Variants in GRIK5 observed in about 807,000 individuals in gnomAD.
GRIK5 encodes the protein glutamate receptor ionotropic, kainate 5.
Under a neutral mutation model 97.4 loss-of-function variants are expected in GRIK5, and 43 were observed. The observed-to-expected ratio is 0.44, with a 90% CI of 0.35 to 0.57. The LOEUF is 0.57. GRIK5 is among the 20% of genes least tolerant of loss of function. GRIK5 has a pLI of 0.01. For synonymous variants in GRIK5, 580 were observed against 583.5 expected (o/e 0.99, Z 0.09); for missense variants, 1,015 against 1,382.0 (o/e 0.73, Z 4.21).
chr19:42,008,446 G>A (rs1475711414), intron 15 of GRIK5, among the ~76,000 whole-genome samples: 2 of 152,166 alleles, frequency 1.3e-5, no homozygotes, highest in African/African-American at 4.8e-5. Flanking sequence ...GGCCAACATG[G>A]CAATACCCCG....
intron 11 of GRIK5, among the ~76,000 whole-genome samples, chr19:42,044,780 T>A (rs1490326832): frequency 6.6e-6 from 1 of 152,098 alleles, no homozygotes; most frequent in Non-Finnish European, 1.5e-5. Context: ...CAAAACCCCG[T>A]CTCTATAAAA....
At chr19:42,036,273 G>T (rs1211048915) in intron 12 of GRIK5, among the ~76,000 whole-genome samples, 1 of 152,054 alleles carries the variant, frequency 6.6e-6, no homozygotes, top group East Asian at 1.9e-4. Context: ...TGTTGGCGGG[G>T]CTGGTCTCGA....
intron 6 of GRIK5, among the ~76,000 whole-genome samples, 179 bp from the exon 7 acceptor site, chr19:42,057,157 G>A (rs2076197361): frequency 6.6e-6 from 1 of 152,166 alleles, no homozygotes; most frequent in Non-Finnish European, 1.5e-5. Flanking sequence ...GGAGACAAGT[G>A]GGGGCATAGG....
At position 42,062,942 on chromosome 19, in the gene GRIK5, G is replaced by A. The variant is rs1599852149; in HGVS notation, c.245-87C>T. On this transcript the variant is annotated intron_variant, in intron 3 of 19. Coordinates refer to ENST00000593562, the MANE Select transcript of GRIK5 (RefSeq NM_002088.5). The surrounding 1 kb of genome is among the most constrained non-coding windows in gnomAD (Gnocchi z 5.3). ...CCCTCAGGGAGCCGCCATGGCCCAGGAGAGGATCAGACACTGGCAACTGCC... is the reference window on the plus strand; with the variant it reads ...CCCTCAGGGAGCCGCCATGGCCCAGAAGAGGATCAGACACTGGCAACTGCC... The A allele has an allele frequency of 3.1e-6, 3 of 979,912 alleles. No homozygotes were observed. The highest frequency in any genetic ancestry group is 2.7e-5 in the South Asian group (2 of 74,248). The allele number at this position is 979,912 out of a possible 1,614,324, so 60.7% of individuals were successfully genotyped here. A position where few individuals can be genotyped will look rare whatever the true frequency, so the allele number is the denominator to read the frequency against.
intron 3 of GRIK5, among the ~76,000 whole-genome samples, chr19:42,064,781 C>T (rs2076307105): frequency 6.6e-6 from 1 of 152,230 alleles, no homozygotes; most frequent in Non-Finnish European, 1.5e-5. Flanking sequence ...GACACTTCCA[C>T]ACCCCTGTGA....
intron 11 of GRIK5, among the ~76,000 whole-genome samples, chr19:42,046,099 A>G (rs2076040034): frequency 6.6e-6 from 1 of 152,190 alleles, no homozygotes; most frequent in African/African-American, 2.4e-5. Flanking sequence ...GAGGTAAAGC[A>G]TCTAGCCCAA....
chr19:42,043,494 C>A (rs528691664), intron 11 of GRIK5, among the ~76,000 whole-genome samples: 9 of 151,270 alleles, frequency 5.9e-5, no homozygotes, highest in African/African-American at 2.2e-4. Context: ...CAACCTCCAC[C>A]TCCTGGGTTT....
Position 42,007,238 on chromosome 19 carries a change from G to C in GRIK5, c.1872-428C>G, listed in dbSNP as rs112609121. Among the ~76,000 whole-genome samples the C allele has an allele frequency of 6.0e-3, 919 of 152,080 alleles. 4 individuals carry two copies. Among genetic ancestry groups the C allele is most frequent in the Non-Finnish European group, 0.01 (703 of 67,984 alleles). On this transcript the variant is annotated intron_variant, in intron 15 of 19. Transcript: ENST00000593562. ...GCCTCCCAAGTAGCTGAGATTACAG[G>C]TGCCCACCATCACGCCCGGCTAATT... is the stretch of plus-strand genomic sequence containing the variant.
chr19:42,020,517 C>G (rs1419788239), intron 15 of GRIK5, among the ~76,000 whole-genome samples: 1 of 152,144 alleles, frequency 6.6e-6, no homozygotes, highest in East Asian at 1.9e-4. Flanking sequence ...TAAAATGAGG[C>G]TGAAACCTAC....
intron 12 of GRIK5, among the ~76,000 whole-genome samples, chr19:42,030,215 G>A (rs1338678223): frequency 2.0e-5 from 3 of 152,076 alleles, no homozygotes; most frequent in Non-Finnish European, 4.4e-5. Flanking sequence ...ACAGAGTCTC[G>A]CTGTCGCCCA....
chr19:42,021,611 A>T lies in GRIK5; in HGVS notation c.1698-137T>A. The stretch of plus-strand genomic sequence containing the variant: ...AGGAGCAAGATGGACAGAAGCACAC[A>T]GAGAAAAGGCAGAGAGAGATGCACA... On this transcript the variant is annotated intron_variant, in intron 14 of 19. Transcript: ENST00000593562. This position sits in a 1 kb window ranked among gnomAD's most constrained non-coding sequence, Gnocchi z 4.2. 1.5e-6 allele frequency: 1 copy of T among 669,424 alleles called. No homozygotes were observed. 41.5% of individuals were successfully genotyped at this position (669,424 alleles called of 1,614,324 possible).
At position 42,002,273 on chromosome 19, in the gene GRIK5, A is replaced by G. The variant is rs1555871097; in HGVS notation, c.2514+1059T>C. On this transcript the variant is annotated intron_variant, in intron 19 of 19. Coordinates refer to ENST00000593562, the MANE Select transcript of GRIK5 (RefSeq NM_002088.5). The surrounding 1 kb of genome is among the most constrained non-coding windows in gnomAD (Gnocchi z 5.2). ...GCCAAGGCTGTAAAGAGAAGGGAAG[A>G]AAGTGGGCGGTGGCTGGGAGGGAAA... 1 of 717,690 alleles carries G rather than the reference A, an allele frequency of 1.4e-6. No individual in the cohort carries two copies. Among genetic ancestry groups the G allele is most frequent in the South Asian group, 1.5e-5 (1 of 67,606 alleles). 44.5% of individuals were successfully genotyped at this position (717,690 alleles called of 1,614,324 possible).
At position 42,021,233 on chromosome 19, in the gene GRIK5, C is replaced by T; in HGVS notation, c.1871+68G>A. ...AATCTTCCAGGAGATGCCACAGCCC[C>T]AACCCCATCCAGGCCTCAGATGGGT... On this transcript the variant is annotated intron_variant, in intron 15 of 19. Coordinates refer to ENST00000593562, the MANE Select transcript of GRIK5 (RefSeq NM_002088.5). This position sits in a 1 kb window ranked among gnomAD's most constrained non-coding sequence, Gnocchi z 4.2. 1.5e-6 allele frequency: 2 copies of T among 1,314,230 alleles called. No individual in the cohort carries two copies. The highest frequency in any genetic ancestry group is 2.1e-6 in the Non-Finnish European group (2 of 944,478). The allele number at this position is 1,314,230 out of a possible 1,614,324, so 81.4% of individuals were successfully genotyped here.
At chr19:42,026,114 T>C (rs1172990031) in intron 12 of GRIK5, among the ~76,000 whole-genome samples, 1 of 151,888 alleles carries the variant, frequency 6.6e-6, no homozygotes, top group Non-Finnish European at 1.5e-5. Flanking sequence ...GCCTCCTGAG[T>C]AGCTGGGACC....
At chr19:42,063,547 G>T (rs904733153) in intron 3 of GRIK5, 1 of 347,632 alleles carries the variant, frequency 2.9e-6, no homozygotes, top group African/African-American at 2.1e-5. Flanking sequence ...ATACATATGG[G>T]TGCAAATCAG....
chr19:42,063,074 G>T (rs564389674), intron 3 of GRIK5, among the ~76,000 whole-genome samples: 5 of 152,328 alleles, frequency 3.3e-5, no homozygotes, highest in African/African-American at 1.2e-4. Context: ...CAGCAACAGA[G>T]GGACAGGTCA....
At chr19:42,019,364 A>G (rs543989114) in intron 15 of GRIK5, among the ~76,000 whole-genome samples, 12 of 152,212 alleles carry the variant, frequency 7.9e-5, no homozygotes, top group African/African-American at 1.7e-4. Context: ...CCCTTCTCTG[A>G]CTGCCCCCAT....
At position 42,065,361 on chromosome 19, in the gene GRIK5, A is replaced by G; in HGVS notation, c.106T>C (p.Cys36Arg). The G allele has an allele frequency of 6.3e-7, 1 of 1,599,248 alleles. No homozygotes were observed. The change falls in exon 3 of 20, where the codon TGT becomes CGT. Residue 36 changes from cysteine to arginine, a missense_variant. Around this residue, in one of 5 missense-constraint regions of GRIK5, gnomAD observed 198 missense variants for 218.2 expected, o/e 0.91. Transcript: ENST00000593562. This position sits in a 1 kb window ranked among gnomAD's most constrained non-coding sequence, Gnocchi z 5.8. ...AAGGCCAGACGCTCACCGCGGCCAC[A>G]CACTGTCTGATCATCCAGGATTGCA... ...MAAILDDQTV[C>R]GRGERLALAL... is the part of the protein sequence containing the mutation.
intron 15 of GRIK5, among the ~76,000 whole-genome samples, chr19:42,019,918 C>T (rs1056273259): frequency 6.6e-6 from 1 of 152,008 alleles, no homozygotes; most frequent in South Asian, 2.1e-4. Context: ...TTTTAAGCTA[C>T]CAAATTTGTG....
Sources: gnomAD v4.1 joint callset for allele counts (sites outside exome capture counted in the v4.1 genomes callset) on GRCh38, gnomAD v4.1.1 for gene constraint, gnomAD v4.1.1 regional missense constraint, Gnocchi (gnomAD v3.1) non-coding constraint, MANE v1.5 for transcripts, NCBI Gene and HGNC (gene_info 2026-07-23, HGNC 2026-07-21) for gene names.